MFSD6: variants seen among roughly 807,000 people sequenced by gnomAD.
The protein encoded by MFSD6 is major facilitator superfamily domain containing 6.
In MFSD6, 26 loss-of-function variants were observed where a neutral mutation model predicts 56.3. That is an observed-to-expected ratio of 0.46 (90% CI 0.34 to 0.64). The LOEUF (loss-of-function observed/expected upper bound fraction) is 0.64, where lower values mean the gene tolerates loss of function less well. Among genes scored for constraint, MFSD6 ranks in the 30% least tolerant of loss-of-function variants. MFSD6 has a pLI of 0.01. For synonymous variants in MFSD6, 331 were observed against 366.9 expected (o/e 0.90, Z 1.12); for missense variants, 750 against 986.2 (o/e 0.76, Z 3.21).
In MFSD6 at chr2:190,422,888, C is replaced by CT. The variant is rs201835432; in HGVS notation, c.-54+7484dup. 2.1e-3 allele frequency among the ~76,000 whole-genome samples: 311 copies of CT among 151,118 alleles called. 3 individuals carry two copies. The East Asian group carries it at 0.037, about 18-fold the overall frequency. The stretch of plus-strand genomic sequence containing the variant: ...CTCATTTTTTCTCTCCTACTTTCAT[C>CT]TTTTTTTTTCTTCATATTAAGTTCT... On this transcript the variant is annotated intron_variant, in intron 2 of 7. Transcript: ENST00000392328.
In MFSD6 at chr2:190,489,672, CT is replaced by C; in HGVS notation, c.1793-94del. 1 of 1,156,398 alleles carries C rather than the reference CT, an allele frequency of 8.6e-7. No homozygotes were observed. The highest frequency in any genetic ancestry group is 1.5e-5 in the South Asian group (1 of 65,662). The allele number at this position is 1,156,398 out of a possible 1,614,324, so 71.6% of individuals were successfully genotyped here. ...TTTCTCTGGTTTGTCTCAAGCTGTG[CT>C]TCCTTTGCTTTGATCTTTAGAAAAC... On this transcript the variant is annotated intron_variant, in intron 5 of 7. Coordinates refer to ENST00000392328, the MANE Select transcript of MFSD6 (RefSeq NM_017694.4). The surrounding 1 kb of genome is among the most constrained non-coding windows in gnomAD (Gnocchi z 6.6).
rs1686473378 is a variant in MFSD6, at chr2:190,443,813, G to T, written c.1532+6252G>T. On this transcript the variant is annotated intron_variant, in intron 3 of 7. Coordinates refer to ENST00000392328, the MANE Select transcript of MFSD6 (RefSeq NM_017694.4). The surrounding 1 kb of genome is among the most constrained non-coding windows in gnomAD (Gnocchi z 4.2). ...CTCACACCTATAATCCCAGCACTTT[G>T]GGAGGCTGAGGCAGGAGGATGTCTT... Among the ~76,000 whole-genome samples the T allele has an allele frequency of 6.6e-6, 1 of 152,174 alleles. No homozygotes were observed. The highest frequency in any genetic ancestry group is 2.1e-4 in the South Asian group (1 of 4,826).
At chr2:190,450,360 GAAGTAAC>G (rs1017767293) in intron 3 of MFSD6, among the ~76,000 whole-genome samples, 3 of 151,826 alleles carry the variant, frequency 2.0e-5, no homozygotes, top group African/African-American at 4.8e-5. Flanking sequence ...CCAACTTGAA[GAAGTAAC>G]AATTCCATTC....
Position 190,491,950 on chromosome 2 carries a change from T to C in MFSD6, c.1891+2084T>C, listed in dbSNP as rs992198293. On this transcript the variant is annotated intron_variant, in intron 6 of 7. Transcript: ENST00000392328. The surrounding 1 kb of genome is among the most constrained non-coding windows in gnomAD (Gnocchi z 4.2). Reference sequence around the variant, plus strand: ...GGGGAGAAATCTTCAATGAGATAGATAGCATAAATAAGAAACAGTTACAAC... The same window carrying C: ...GGGGAGAAATCTTCAATGAGATAGACAGCATAAATAAGAAACAGTTACAAC... Among the ~76,000 whole-genome samples, 1 of 152,096 alleles carries C rather than the reference T, an allele frequency of 6.6e-6. No homozygotes were observed. The highest frequency in any genetic ancestry group is 2.4e-5 in the African/African-American group (1 of 41,390).
rs985967286 is a variant in MFSD6 at position 190,469,427 on chromosome 2, G to A, written c.1533-331G>A. 6.4e-6 allele frequency: 1 copy of A among 156,626 alleles called. No individual in the cohort carries two copies. The highest frequency in any genetic ancestry group is 1.4e-5 in the Non-Finnish European group (1 of 71,390). The allele number at this position is 156,626 out of a possible 1,614,324, so 9.7% of individuals were successfully genotyped here. On this transcript the variant is annotated intron_variant, in intron 3 of 7. Coordinates refer to ENST00000392328, the MANE Select transcript of MFSD6 (RefSeq NM_017694.4). The surrounding 1 kb of genome is among the most constrained non-coding windows in gnomAD (Gnocchi z 5.3). The stretch of plus-strand genomic sequence containing the variant: ...CAGTAATGTCATTACTGATGGCAGT[G>A]CGCCCAGACTATCTTAAAAAAGCAT...
chr2:190,435,171 G>T (rs4853706), intron 2 of MFSD6: 2 of 152,188 alleles, frequency 1.3e-5, no homozygotes. Context: ...AAGCCATAAT[G>T]TCAGGGTTCA....
chr2:190,489,972 T>C lies in MFSD6; in HGVS notation c.1891+106T>C. 1 of 880,654 alleles carries C rather than the reference T, an allele frequency of 1.1e-6. No homozygotes were observed. Among genetic ancestry groups the C allele is most frequent in the Non-Finnish European group, 1.7e-6 (1 of 594,624 alleles). The allele number at this position is 880,654 out of a possible 1,614,324, so 54.6% of individuals were successfully genotyped here. A position where few individuals can be genotyped will look rare whatever the true frequency, so the allele number is the denominator to read the frequency against. ...TGGTACAGAGTATACAACAGGTCTG[T>C]TTGGCTCAATTTTCTGAGTGGCGTA... is the stretch of plus-strand genomic sequence containing the variant. On this transcript the variant is annotated intron_variant, in intron 6 of 7. Transcript: ENST00000392328. This position sits in a 1 kb window ranked among gnomAD's most constrained non-coding sequence, Gnocchi z 6.6.
chr2:190,439,950 G>A lies in MFSD6; in HGVS notation c.1532+2389G>A, dbSNP rs1408772009. ...TCAGGTGGTATTGGTTGTGATTTGG[G>A]GATTTAAACTTTCCACTGGAAGAAT... On this transcript the variant is annotated intron_variant, in intron 3 of 7. Coordinates refer to ENST00000392328, the MANE Select transcript of MFSD6 (RefSeq NM_017694.4). This position sits in a 1 kb window ranked among gnomAD's most constrained non-coding sequence, Gnocchi z 5.8. Among the ~76,000 whole-genome samples, 1 of 152,146 alleles carries A rather than the reference G, an allele frequency of 6.6e-6. No individual in the cohort carries two copies. Among genetic ancestry groups the A allele is most frequent in the Admixed American group, 6.5e-5 (1 of 15,270 alleles).
rs1291060420 is a variant in MFSD6, at chr2:190,492,735, A to G, written c.1891+2869A>G. Reference sequence around the variant, plus strand: ...ATAAAGGAAAGATACAGTCTTTTTCAGACAAACAAATGCTGAGAGAATTCA... The same window carrying G: ...ATAAAGGAAAGATACAGTCTTTTTCGGACAAACAAATGCTGAGAGAATTCA... On this transcript the variant is annotated intron_variant, in intron 6 of 7. Coordinates refer to ENST00000392328, the MANE Select transcript of MFSD6 (RefSeq NM_017694.4). The surrounding 1 kb of genome is among the most constrained non-coding windows in gnomAD (Gnocchi z 5.2). Among the ~76,000 whole-genome samples, 1 of 151,628 alleles carries G rather than the reference A, an allele frequency of 6.6e-6. No homozygotes were observed. The highest frequency in any genetic ancestry group is 1.9e-4 in the East Asian group (1 of 5,192).
Position 190,465,568 on chromosome 2 carries a change from A to G in MFSD6, c.1533-4190A>G, listed in dbSNP as rs1687560851. Among the ~76,000 whole-genome samples, 1 of 152,100 alleles carries G rather than the reference A, an allele frequency of 6.6e-6. No homozygotes were observed. Among genetic ancestry groups the G allele is most frequent in the Non-Finnish European group, 1.5e-5 (1 of 68,020 alleles). The stretch of plus-strand genomic sequence containing the variant: ...CATATTCAGCATAAAAAAGAATTTG[A>G]TTGTCTAGAAAATGATCCAGTAAAA... On this transcript the variant is annotated intron_variant, in intron 3 of 7. Transcript: ENST00000392328. The surrounding 1 kb of genome is among the most constrained non-coding windows in gnomAD (Gnocchi z 4.6).
At chr2:190,435,489 T>C (rs1019087088) in intron 2 of MFSD6, among the ~76,000 whole-genome samples, 2 of 152,246 alleles carry the variant, frequency 1.3e-5, no homozygotes, top group Admixed American at 6.5e-5. Context: ...TGCCATCGGC[T>C]TCCTCTTTCT....
In MFSD6 at chr2:190,418,404, C is replaced by A. The variant is rs1690877840; in HGVS notation, c.-54+2991C>A. ...AGATGGGGCAACCAAGGTTGTGAAT[C>A]AGCTTGCTTATGATCTAGCAGTCAG... is the stretch of plus-strand genomic sequence containing the variant. On this transcript the variant is annotated intron_variant, in intron 2 of 7. Coordinates refer to ENST00000392328, the MANE Select transcript of MFSD6 (RefSeq NM_017694.4). This position sits in a 1 kb window ranked among gnomAD's most constrained non-coding sequence, Gnocchi z 4.1. Among the ~76,000 whole-genome samples, 1 of 152,150 alleles carries A rather than the reference C, an allele frequency of 6.6e-6. No individual in the cohort carries two copies. Among genetic ancestry groups the A allele is most frequent in the African/African-American group, 2.4e-5 (1 of 41,434 alleles).
intron 3 of MFSD6, among the ~76,000 whole-genome samples, chr2:190,453,525 C>G (rs1429177860): frequency 6.6e-6 from 1 of 152,194 alleles, no homozygotes; most frequent in Non-Finnish European, 1.5e-5. Context: ...AAAGAAGGAA[C>G]ATGCCGTTAT....
intron 4 of MFSD6, among the ~76,000 whole-genome samples, chr2:190,480,454 T>G (rs1252386524): frequency 2.6e-5 from 4 of 152,234 alleles, no homozygotes; most frequent in Non-Finnish European, 5.9e-5. Flanking sequence ...ATTAAGTATC[T>G]GAAGAAAATT....
intron 6 of MFSD6, among the ~76,000 whole-genome samples, chr2:190,493,641 A>C (rs1261381574): frequency 1.3e-5 from 2 of 152,196 alleles, no homozygotes; most frequent in East Asian, 1.9e-4. Context: ...AGTCTCAATA[A>C]ATTTAAGAAA....
chr2:190,426,329 A>C lies in MFSD6; in HGVS notation c.-53-9648A>C, dbSNP rs1252326288. ...TCTGTCCCCTTTATTCTGCTTTATT[A>C]AGTGTATCCATTAAGATTTATTTTT... On this transcript the variant is annotated intron_variant, in intron 2 of 7. Transcript: ENST00000392328. This position sits in a 1 kb window ranked among gnomAD's most constrained non-coding sequence, Gnocchi z 4.7. Among the ~76,000 whole-genome samples, 2 of 152,094 alleles carry C rather than the reference A, an allele frequency of 1.3e-5. No individual in the cohort carries two copies. Among genetic ancestry groups the C allele is most frequent in the Admixed American group, 6.5e-5 (1 of 15,272 alleles).
chr2:190,477,298 T>C (rs961638366), intron 4 of MFSD6: 1 of 984,784 alleles, frequency 1.0e-6, no homozygotes, highest in African/African-American at 1.7e-5. Flanking sequence ...TTCCCACCTC[T>C]GGTTCCTGTT....
chr2:190,408,756 G>A (rs1690423512), intron 1 of MFSD6, among the ~76,000 whole-genome samples: 2 of 152,022 alleles, frequency 1.3e-5, no homozygotes, highest in East Asian at 3.9e-4. Flanking sequence ...GGGTGCTGGG[G>A]GAGGCTGCCG....
rs1689531419 is a variant in MFSD6 at position 190,494,215 on chromosome 2, C to T, written c.1892-3224C>T. On this transcript the variant is annotated intron_variant, in intron 6 of 7. Coordinates refer to ENST00000392328, the MANE Select transcript of MFSD6 (RefSeq NM_017694.4). The surrounding 1 kb of genome is among the most constrained non-coding windows in gnomAD (Gnocchi z 5.7). Reference sequence around the variant, plus strand: ...CAGAAATACAAAAGATCATTCAAGGCTACTATTAACACCTTTACATGCATA... The same window carrying T: ...CAGAAATACAAAAGATCATTCAAGGTTACTATTAACACCTTTACATGCATA... Among the ~76,000 whole-genome samples, 1 of 152,064 alleles carries T rather than the reference C, an allele frequency of 6.6e-6. No homozygotes were observed. Among genetic ancestry groups the T allele is most frequent in the Non-Finnish European group, 1.5e-5 (1 of 68,002 alleles).
Sources: gnomAD v4.1 joint callset for allele counts (sites outside exome capture counted in the v4.1 genomes callset) on GRCh38, gnomAD v4.1.1 for gene constraint, Gnocchi (gnomAD v3.1) non-coding constraint, MANE v1.5 for transcripts, NCBI Gene and HGNC (gene_info 2026-07-23, HGNC 2026-07-21) for gene names.